Variants in CHML observed in about 807,000 individuals in gnomAD.
CHML encodes rab proteins geranylgeranyltransferase component A 2.
In CHML, 20 loss-of-function variants were observed where a neutral mutation model predicts 30.4. That is an observed-to-expected ratio of 0.66 (90% CI 0.46 to 0.95). The LOEUF is 0.95. CHML is among the 40% of genes least tolerant of loss of function. The pLI is 0.00. For missense variants in CHML, 795 were observed against 768.5 expected, an observed-to-expected ratio of 1.03 and a Z score of -0.41; for synonymous variants, 281 against 275.0, an observed-to-expected ratio of 1.02 and a Z score of -0.22.
rs773728806 is a variant in CHML, at chr1:241,635,477, T to C, written c.290A>G (p.Gln97Arg). Residue 97 changes from glutamine (Q) to arginine (R), a missense_variant, in exon 2 of 2, where the codon CAA (glutamine) becomes CGA (arginine). By Grantham distance (43) the Gln-to-Arg change is conservative (BLOSUM62 1). Transcript: ENST00000366553. ...ITLRKKDETI[Q>R]HTEAFCYASQ... ...GGCGTAGCAAAAAGCTTCTGTGTGTTGAATAGTTTCATCCTTCTTGCGAAG... is the reference window on the plus strand; with the variant it reads ...GGCGTAGCAAAAAGCTTCTGTGTGTCGAATAGTTTCATCCTTCTTGCGAAG... 1.2e-6 allele frequency: 2 copies of C among 1,613,904 alleles called. No homozygotes were observed. Among genetic ancestry groups the C allele is most frequent in the South Asian group, 1.1e-5 (1 of 91,074 alleles).
At chr1:241,637,410 G>C (rs1372671196) in intron 1 of CHML, among the ~76,000 whole-genome samples, 1 of 152,136 alleles carries the variant, frequency 6.6e-6, no homozygotes, top group Non-Finnish European at 1.5e-5. Context: ...AAGAAGCCAG[G>C]AACTAAGTAC....
intron 1 of CHML, among the ~76,000 whole-genome samples, chr1:241,638,109 G>A (rs1461689058): frequency 3.3e-5 from 5 of 152,104 alleles, no homozygotes; most frequent in Non-Finnish European, 7.4e-5. Context: ...CTTAAGTCTC[G>A]GAATCTCTTA....
chr1:241,633,600 C>T lies in CHML; in HGVS notation c.*196G>A. Reference sequence around the variant, plus strand: ...TATAGCCCATTCTAAACAAAATGTTCAATAATCAATAAATCACTCATTGAT... The same window carrying T: ...TATAGCCCATTCTAAACAAAATGTTTAATAATCAATAAATCACTCATTGAT... On this transcript the variant is annotated 3_prime_UTR_variant, in exon 2 of 2. Coordinates refer to ENST00000366553, the MANE Select transcript of CHML (RefSeq NM_001381853.1). The T allele has an allele frequency of 3.2e-6, 2 of 625,938 alleles. No homozygotes were observed. Among genetic ancestry groups the T allele is most frequent in the Non-Finnish European group, 5.4e-6 (2 of 370,340 alleles). The allele number at this position is 625,938 out of a possible 1,614,324, so 38.8% of individuals were successfully genotyped here.
In CHML at chr1:241,629,053, T is replaced by A. The variant is rs76060912; in HGVS notation, c.*4743A>T. On this transcript the variant is annotated 3_prime_UTR_variant, in exon 2 of 2. Transcript: ENST00000366553. The stretch of plus-strand genomic sequence containing the variant: ...CATTTTTGAATCTCACTTTTTTGCA[T>A]ACAATTTGACATATATCAATATTAT... 2.0e-4 allele frequency: 30 copies of A among 152,728 alleles called. No individual in the cohort carries two copies. In the East Asian group the frequency reaches 5.0e-3, roughly 26 times the overall value. The allele number at this position is 152,728 out of a possible 1,614,324, so 9.5% of individuals were successfully genotyped here.
At position 241,634,589 on chromosome 1, in the gene CHML, C is replaced by G. The variant is rs766466619; in HGVS notation, c.1178G>C (p.Cys393Ser). The G allele has an allele frequency of 6.2e-7, 1 of 1,613,776 alleles. No individual in the cohort carries two copies. The highest frequency in any genetic ancestry group is 8.5e-7 in the Non-Finnish European group (1 of 1,179,874). Residue 393 changes from cysteine (C) to serine (S), a missense_variant, in exon 2 of 2, where the codon TGT becomes TCT. By Grantham distance (112) the Cys-to-Ser change is moderately radical (BLOSUM62 -1). Coordinates refer to ENST00000366553, the MANE Select transcript of CHML (RefSeq NM_001381853.1). Reference sequence around the variant, plus strand: ...ACAATAGATTCCACCAAAAACTGCACACATCCTACAGAAACCCTGGGGAAT... The same window carrying G: ...ACAATAGATTCCACCAAAAACTGCAGACATCCTACAGAAACCCTGGGGAAT... The part of the protein sequence containing the change: ...GEIPQGFCRM[C>S]AVFGGIYCLR...
chr1:241,631,399 A>G lies in CHML; in HGVS notation c.*2397T>C, dbSNP rs1359192643. On this transcript the variant is annotated 3_prime_UTR_variant, in exon 2 of 2. Transcript: ENST00000366553. ...TACCTTCACCTTCATTTTATTTATC[A>G]TCTTATGTATTTCTCATTTTAATTA... The G allele has an allele frequency of 6.6e-6, 1 of 151,912 alleles. No individual in the cohort carries two copies. Among genetic ancestry groups the G allele is most frequent in the East Asian group, 1.9e-4 (1 of 5,190 alleles). The allele number at this position is 151,912 out of a possible 1,614,324, so 9.4% of individuals were successfully genotyped here.
rs1335766096 is a variant in CHML, at chr1:241,634,980, T to C, written c.787A>G (p.Thr263Ala). 1.2e-6 allele frequency: 2 copies of C among 1,613,554 alleles called. No individual in the cohort carries two copies. Among genetic ancestry groups the C allele is most frequent in the Non-Finnish European group, 1.7e-6 (2 of 1,179,850 alleles). Residue 263 changes from threonine to alanine, a missense_variant, in exon 2 of 2, where the codon ACT becomes GCT. Transcript: ENST00000366553. ...VSRYVEFKNV[T>A]RILAFREGKV... ...CCTTCCCGAAATGCAAGAATCCTAG[T>C]GACATTTTTAAATTCTACATAACGA...
Position 241,634,562 on chromosome 1 carries a change from A to C in CHML, c.1205T>G (p.Leu402Arg). 6.2e-7 allele frequency: 1 copy of C among 1,613,902 alleles called. No homozygotes were observed. The highest frequency in any genetic ancestry group is 2.2e-5 in the East Asian group (1 of 44,876). The change falls in exon 2 of 2, where the codon CTT (leucine) becomes CGT (arginine). Residue 402 changes from leucine to arginine, a missense_variant. By Grantham distance (102) the Leu-to-Arg change is moderately radical. Transcript: ENST00000366553. ...MCAVFGGIYCLRHKVQCFVVD... is the reference protein window; with the variant it reads ...MCAVFGGIYCRRHKVQCFVVD... ...TACAAAGCATTGTACTTTATGACGA[A>C]GACAATAGATTCCACCAAAAACTGC... is the stretch of plus-strand genomic sequence containing the variant.
intron 1 of CHML, among the ~76,000 whole-genome samples, 179 bp downstream of exon 1, chr1:241,639,703 C>A (rs997959358): frequency 1.5e-5 from 2 of 137,552 alleles, no homozygotes; most frequent in African/African-American, 5.3e-5. Flanking sequence ...ACCCGCCATG[C>A]GGCTGGGGTC....
Position 241,634,307 on chromosome 1 carries a change from C to G in CHML, c.1460G>C (p.Cys487Ser). The G allele has an allele frequency of 6.2e-7, 1 of 1,613,984 alleles. No individual in the cohort carries two copies. The highest frequency in any genetic ancestry group is 8.5e-7 in the Non-Finnish European group (1 of 1,179,916). Residue 487 changes from cysteine (C) to serine (S), a missense_variant, in exon 2 of 2, where the codon TGT becomes TCT. Coordinates refer to ENST00000366553, the MANE Select transcript of CHML (RefSeq NM_001381853.1). The part of the protein sequence containing the change: ...LIVPPAEPGA[C>S]AVRVTELCSS... ...ACATAATTCTGTGACCCGTACAGCACAAGCTCCTGGCTCTGCTGGAGGAAC... is the reference window on the plus strand; with the variant it reads ...ACATAATTCTGTGACCCGTACAGCAGAAGCTCCTGGCTCTGCTGGAGGAAC...
chr1:241,636,214 C>T (rs916923768), intron 1 of CHML, 141 bp from the exon 2 acceptor site: 25 of 394,572 alleles, frequency 6.3e-5, no homozygotes, highest in Non-Finnish European at 8.9e-5. Context: ...AATGCTTTCT[C>T]ACATATTTTC....
rs146511670 is a variant in CHML at position 241,635,424 on chromosome 1, C to T, written c.343G>A (p.Glu115Lys). ...GGATTTTTCTGCAGAGCACCAATCT[C>T]TTCAACGTTGTCCTCCATATCCTGA... ...ASQDMEDNVE[E>K]IGALQKNPSL... The change falls in exon 2 of 2, where the codon GAG becomes AAG. Residue 115 changes from glutamate to lysine, a missense_variant. By Grantham distance (56) the Glu-to-Lys change is moderately conservative. Transcript: ENST00000366553. The T allele has an allele frequency of 5.6e-6, 9 of 1,613,990 alleles. No homozygotes were observed. The highest frequency in any genetic ancestry group is 6.8e-6 in the Non-Finnish European group (8 of 1,179,938).
In CHML at chr1:241,631,432, A is replaced by G. The variant is rs1045977776; in HGVS notation, c.*2364T>C. The G allele has an allele frequency of 2.0e-5, 3 of 151,968 alleles. No individual in the cohort carries two copies. The highest frequency in any genetic ancestry group is 7.2e-5 in the African/African-American group (3 of 41,392). 9.4% of individuals were successfully genotyped at this position (151,968 alleles called of 1,614,324 possible). A position where few individuals can be genotyped will look rare whatever the true frequency, so the allele number is the denominator to read the frequency against. ...TATTTCTCATTTTAATTACTATTTT[A>G]TAGGTCTATTTCAAGTATTTCAGTT... On this transcript the variant is annotated 3_prime_UTR_variant, in exon 2 of 2. Transcript: ENST00000366553.
At chr1:241,636,716 C>A (rs1438716607) in intron 1 of CHML, among the ~76,000 whole-genome samples, 2 of 152,018 alleles carry the variant, frequency 1.3e-5, no homozygotes, top group Non-Finnish European at 2.9e-5. Flanking sequence ...TGAATGTACA[C>A]ATGCATATAA....
chr1:241,634,208 T>C lies in CHML; in HGVS notation c.1559A>G (p.Glu520Gly). ...TTTCTTCACCACTGATTCTAAGTCT[T>C]CTCTTGCTGTTTTAGAAGATGAACA... ...LTCSSSKTAR[E>G]DLESVVKKLF... Residue 520 changes from glutamate (E) to glycine (G), a missense_variant, in exon 2 of 2, where the codon GAA becomes GGA. Coordinates refer to ENST00000366553, the MANE Select transcript of CHML (RefSeq NM_001381853.1). The C allele has an allele frequency of 3.7e-6, 6 of 1,614,016 alleles. No homozygotes were observed. The highest frequency in any genetic ancestry group is 5.1e-6 in the Non-Finnish European group (6 of 1,179,898).
chr1:241,640,277 C>T lies in CHML; in HGVS notation c.-703G>A. 3 of 1,167,238 alleles carry T rather than the reference C, an allele frequency of 2.6e-6. No individual in the cohort carries two copies. The highest frequency in any genetic ancestry group is 3.2e-6 in the Non-Finnish European group (3 of 949,080). 72.3% of individuals were successfully genotyped at this position (1,167,238 alleles called of 1,614,324 possible). ...CATGGCCCGGCGCCGGCGCGCCTGG[C>T]GGGCGGAGGCGCTCAGCTTGCGGCG... On this transcript the variant is annotated 5_prime_UTR_variant, in exon 1 of 2. Transcript: ENST00000366553.
Position 241,640,259 on chromosome 1 carries a change from CG to C in CHML, c.-686del. The C allele has an allele frequency of 9.2e-6, 11 of 1,200,224 alleles. No individual in the cohort carries two copies. Among genetic ancestry groups the C allele is most frequent in the South Asian group, 4.2e-5 (1 of 23,868 alleles). The allele number at this position is 1,200,224 out of a possible 1,614,324, so 74.3% of individuals were successfully genotyped here. A position where few individuals can be genotyped will look rare whatever the true frequency, so the allele number is the denominator to read the frequency against. ...GCTGCGGTTCCCCGAGTACATGGCC[CG>C]GCGCCGGCGCGCCTGGCGGGCGGAG... is the stretch of plus-strand genomic sequence containing the variant. On this transcript the variant is annotated 5_prime_UTR_variant, in exon 1 of 2. Transcript: ENST00000366553.
chr1:241,635,494 C>G lies in CHML; in HGVS notation c.273G>C (p.Lys91Asn), dbSNP rs776279626. Residue 91 changes from lysine (K) to asparagine (N), a missense_variant, in exon 2 of 2, where the codon AAG becomes AAC. By Grantham distance (94) the Lys-to-Asn change is moderately conservative. Transcript: ENST00000366553. The part of the protein sequence containing the change: ...HETEEAITLR[K>N]KDETIQHTEA... ...CTGTGTGTTGAATAGTTTCATCCTTCTTGCGAAGAGTGATGGCTTCTTCTG... is the reference window on the plus strand; with the variant it reads ...CTGTGTGTTGAATAGTTTCATCCTTGTTGCGAAGAGTGATGGCTTCTTCTG... 1.2e-6 allele frequency: 2 copies of G among 1,613,870 alleles called. No homozygotes were observed. The highest frequency in any genetic ancestry group is 1.7e-6 in the Non-Finnish European group (2 of 1,179,958).
chr1:241,638,598 C>T (rs1664992845), intron 1 of CHML, among the ~76,000 whole-genome samples: 1 of 152,064 alleles, frequency 6.6e-6, no homozygotes, highest in African/African-American at 2.4e-5. Context: ...AGTGTAATCC[C>T]ATAGTCGTCC....
Sources: allele counts gnomAD v4.1 joint callset (sites outside exome capture counted in the v4.1 genomes callset), GRCh38; gene constraint gnomAD v4.1.1; transcripts MANE v1.5; gene names NCBI Gene and HGNC (gene_info 2026-07-23, HGNC 2026-07-21).